CAPN13: variants seen among roughly 807,000 people sequenced by gnomAD.
The protein encoded by CAPN13 is calpain 13, also known as calpain-13.
CAPN13 carries 90 observed loss-of-function variants against 98.4 expected under a neutral mutation model. That is an observed-to-expected ratio of 0.92 (90% CI 0.77 to 1.09). The LOEUF is 1.09. Among genes scored for constraint, CAPN13 ranks in the 50% least tolerant of loss-of-function variants. The pLI is 0.00. For missense variants in CAPN13, 887 were observed against 841.3 expected, an observed-to-expected ratio of 1.05 and a Z score of -0.67; for synonymous variants, 330 against 305.5, an observed-to-expected ratio of 1.08 and a Z score of -0.84.
At chr2:30,782,063 A>G (rs1164298356) in intron 2 of CAPN13, among the ~76,000 whole-genome samples, 1 of 152,112 alleles carries the variant, frequency 6.6e-6, no homozygotes, top group Non-Finnish European at 1.5e-5. Context: ...TATATTAGGT[A>G]TGTCAGAGCT....
intron 2 of CAPN13, among the ~76,000 whole-genome samples, chr2:30,781,748 C>T (rs774633089): frequency 3.9e-5 from 6 of 152,098 alleles, no homozygotes; most frequent in Non-Finnish European, 7.4e-5. Flanking sequence ...GACTTCTCAT[C>T]CTCTATAAGC....
chr2:30,752,494 T>C (rs1385067347), intron 10 of CAPN13, among the ~76,000 whole-genome samples: 7 of 152,136 alleles, frequency 4.6e-5, no homozygotes, highest in African/African-American at 1.7e-4. Flanking sequence ...CAGATGCGCC[T>C]ACCTGTGGGA....
At chr2:30,776,082 C>A in intron 3 of CAPN13, 37 bp from the exon 4 acceptor site, 2 of 1,437,364 alleles carry the variant, frequency 1.4e-6, no homozygotes, top group Non-Finnish European at 1.9e-6. Flanking sequence ...GCTGATTGGA[C>A]ACACTTGGAA....
intron 1 of CAPN13, among the ~76,000 whole-genome samples, chr2:30,791,628 T>C (rs757363827): frequency 6.6e-6 from 1 of 152,276 alleles, no homozygotes; most frequent in Non-Finnish European, 1.5e-5. Context: ...AGTCCTTTTA[T>C]TGGAGAACTT....
At chr2:30,776,948 A>G (rs1173628731) in intron 3 of CAPN13, among the ~76,000 whole-genome samples, 1 of 152,182 alleles carries the variant, frequency 6.6e-6, no homozygotes, top group Non-Finnish European at 1.5e-5. Flanking sequence ...GGCGAAGTTC[A>G]AGTACAGGAC....
At chr2:30,741,050 G>A (rs1249907295) in intron 15 of CAPN13, among the ~76,000 whole-genome samples, 1 of 152,162 alleles carries the variant, frequency 6.6e-6, no homozygotes, top group Non-Finnish European at 1.5e-5. Context: ...CAGTCATCTT[G>A]GCCGGCCTTG....
intron 8 of CAPN13, 107 bp from the exon 9 acceptor site, chr2:30,754,471 C>A (rs1672339813): frequency 2.3e-6 from 2 of 876,724 alleles, no homozygotes; most frequent in South Asian, 4.3e-5. Flanking sequence ...TCCTGGGGAG[C>A]ACAGGGCAAG....
At position 30,807,291 on chromosome 2, in the gene CAPN13, G is replaced by C. The variant is rs188082260; in HGVS notation, c.-33+11C>G. The C allele has an allele frequency of 2.0e-5, 3 of 152,342 alleles. No homozygotes were observed. The East Asian group carries it at 5.8e-4, about 29-fold the overall frequency. The allele number at this position is 152,342 out of a possible 1,614,324, so 9.4% of individuals were successfully genotyped here. A position where few individuals can be genotyped will look rare whatever the true frequency, so the allele number is the denominator to read the frequency against. On this transcript the variant is annotated intron_variant, in intron 1 of 22. Coordinates refer to ENST00000295055, the MANE Select transcript of CAPN13 (RefSeq NM_144575.3). Reference sequence around the variant, plus strand: ...GTCCACAGCTCTGGGACATGACCACGCACAACTTACCTGTTTCCTAGGCAG... The same window carrying C: ...GTCCACAGCTCTGGGACATGACCACCCACAACTTACCTGTTTCCTAGGCAG...
intron 2 of CAPN13, among the ~76,000 whole-genome samples, chr2:30,778,093 G>A (rs1250161288): frequency 6.6e-6 from 1 of 152,154 alleles, no homozygotes; most frequent in Non-Finnish European, 1.5e-5. Context: ...AGGTATTTTG[G>A]ACTACAGGTT....
chr2:30,801,604 T>TAAAAAAAAAAAA (rs10609363), intron 1 of CAPN13, among the ~76,000 whole-genome samples: 1 of 80,018 alleles, frequency 1.2e-5, no homozygotes, highest in Non-Finnish European at 2.6e-5. Flanking sequence ...GACTCAGTCT[T>TAAAAAAAAAAAA]AAAAAAAAAA....
chr2:30,770,911 C>T (rs1389889403), intron 4 of CAPN13, among the ~76,000 whole-genome samples: 9 of 152,252 alleles, frequency 5.9e-5, no homozygotes, highest in Admixed American at 2.0e-4. Flanking sequence ...GATTTAAGCA[C>T]GTGGCAGGGA....
intron 8 of CAPN13, among the ~76,000 whole-genome samples, chr2:30,757,469 C>T (rs1316816090): frequency 1.3e-5 from 2 of 152,180 alleles, no homozygotes; most frequent in Non-Finnish European, 2.9e-5. Flanking sequence ...ATATCCCAGG[C>T]GCCGAGTACT....
intron 5 of CAPN13, among the ~76,000 whole-genome samples, chr2:30,768,212 A>T (rs1340359266): frequency 6.6e-6 from 1 of 152,088 alleles, no homozygotes; most frequent in East Asian, 1.9e-4. Flanking sequence ...GATTGGGCCG[A>T]TGGGGTCCTG....
chr2:30,789,530 G>A (rs1674497273), intron 1 of CAPN13, among the ~76,000 whole-genome samples: 2 of 152,264 alleles, frequency 1.3e-5, no homozygotes, highest in African/African-American at 2.4e-5. Flanking sequence ...TCTTATATGC[G>A]AGGATCAGTT....
chr2:30,779,138 G>A (rs1019176435), intron 2 of CAPN13, among the ~76,000 whole-genome samples: 2 of 152,154 alleles, frequency 1.3e-5, no homozygotes, highest in Non-Finnish European at 1.5e-5. Flanking sequence ...AACAAAAATG[G>A]CTTTGCTCCA....
At chr2:30,728,349 A>G (rs1670934283) in intron 22 of CAPN13, among the ~76,000 whole-genome samples, 2 of 152,094 alleles carry the variant, frequency 1.3e-5, no homozygotes, top group South Asian at 4.1e-4. Flanking sequence ...ATATTTCTTT[A>G]AAAGAAGATG....
intron 5 of CAPN13, among the ~76,000 whole-genome samples, chr2:30,765,956 G>A (rs894652444): frequency 1.3e-5 from 2 of 152,194 alleles, no homozygotes; most frequent in African/African-American, 4.8e-5. Context: ...CATTTGCTCA[G>A]TTAACTGTAG....
At chr2:30,763,250 G>T in intron 6 of CAPN13, 94 bp from the exon 7 acceptor site, 1 of 1,101,272 alleles carries the variant, frequency 9.1e-7, no homozygotes, top group Non-Finnish European at 1.3e-6. Context: ...AGCCATCTGG[G>T]CCTCACTGAC....
chr2:30,758,593 T>C (rs1672583477), intron 7 of CAPN13, among the ~76,000 whole-genome samples: 1 of 152,164 alleles, frequency 6.6e-6, no homozygotes, highest in Non-Finnish European at 1.5e-5. Flanking sequence ...TCAACAGCAC[T>C]GTCGTGAGTG....
Sources: gnomAD v4.1 joint callset for allele counts (sites outside exome capture counted in the v4.1 genomes callset) on GRCh38, gnomAD v4.1.1 for gene constraint, MANE v1.5 for transcripts, NCBI Gene and HGNC (gene_info 2026-07-23, HGNC 2026-07-21) for gene names.